CACNA1S: variants seen among roughly 807,000 people sequenced by gnomAD.
The protein encoded by CACNA1S is voltage-dependent L-type calcium channel subunit alpha-1S.
Under a neutral mutation model 207.4 loss-of-function variants are expected in CACNA1S, and 126 were observed. The ratio of observed to expected loss-of-function variants is 0.61; its 90% CI spans 0.53 to 0.70. The LOEUF (loss-of-function observed/expected upper bound fraction) is 0.70, where lower values mean the gene tolerates loss of function less well. CACNA1S is among the 30% of genes least tolerant of loss of function. CACNA1S has a pLI of 0.00. For missense variants in CACNA1S, 2,349 were observed against 2,422.8 expected (o/e 0.97, Z 0.64); for synonymous variants, 960 against 932.7 (o/e 1.03, Z -0.53).
intron 7 of CACNA1S, among the ~76,000 whole-genome samples, 186 bp from the exon 8 acceptor site, chr1:201,085,767 T>C (rs1662018051): frequency 6.6e-6 from 1 of 151,948 alleles, no homozygotes; most frequent in Non-Finnish European, 1.5e-5. Context: ...CACTTCCTGC[T>C]CACCCGTCCC....
intron 38 of CACNA1S, among the ~76,000 whole-genome samples, chr1:201,046,538 C>T (rs1169575887): frequency 6.6e-6 from 1 of 151,418 alleles, no homozygotes; most frequent in Non-Finnish European, 1.5e-5. Flanking sequence ...TTAGAGAGAA[C>T]TGTTCTTTTT....
At position 201,061,387 on chromosome 1, in the gene CACNA1S, G is replaced by A. The variant is rs1208211653; in HGVS notation, c.3135C>T (p.Phe1045=). The A allele has an allele frequency of 6.2e-7, 1 of 1,614,216 alleles. No homozygotes were observed. Among genetic ancestry groups the A allele is most frequent in the East Asian group, 2.2e-5 (1 of 44,874 alleles). Residue 1045 remains phenylalanine, a synonymous_variant, in exon 25 of 44, where the codon TTC becomes TTT. Coordinates refer to ENST00000362061, the MANE Select transcript of CACNA1S (RefSeq NM_000069.3). The part of the protein sequence containing the change: ...YNNRVEMAIF[F]IIYIILIAFF... ...AGGCAATGAGGATGATGTAGATGAT[G>A]AAGAAGATGGCCATCTCCACACGGT... is the stretch of plus-strand genomic sequence containing the variant.
At chr1:201,100,370 C>T (rs1038992079) in intron 2 of CACNA1S, among the ~76,000 whole-genome samples, 9 of 152,242 alleles carry the variant, frequency 5.9e-5, no homozygotes, top group African/African-American at 9.6e-5. Context: ...TCTATGGCCA[C>T]GCCGCACACT....
rs1339416724 is a variant in CACNA1S, at chr1:201,087,883, G to C, written c.947C>G (p.Thr316Ser). The change falls in exon 7 of 44, where the codon ACC becomes AGC. Residue 316 changes from threonine (T) to serine (S), a missense_variant. By Grantham distance (58) the Thr-to-Ser change is moderately conservative. Coordinates refer to ENST00000362061, the MANE Select transcript of CACNA1S (RefSeq NM_000069.3). ...GNEWPWIYFVTLILLGSFFIL... is the reference protein window; with the variant it reads ...GNEWPWIYFVSLILLGSFFIL... ...GAAGAAGGATCCCAGCAAAATGAGG[G>C]TGACAAAATAGATCCAGGGCCACTC... 3.7e-6 allele frequency: 6 copies of C among 1,613,848 alleles called. No individual in the cohort carries two copies. The highest frequency in any genetic ancestry group is 5.1e-6 in the Non-Finnish European group (6 of 1,179,910).
intron 40 of CACNA1S, 195 bp from the exon 41 acceptor site, chr1:201,041,784 G>A (rs564395424): frequency 3.1e-6 from 2 of 654,352 alleles, no homozygotes; most frequent in East Asian, 2.7e-5. Flanking sequence ...AAGGAGTCCA[G>A]AGCATTCCTG....
chr1:201,098,594 G>A (rs990647725), intron 2 of CACNA1S, among the ~76,000 whole-genome samples: 1 of 152,186 alleles, frequency 6.6e-6, no homozygotes. Flanking sequence ...GCACACAGGA[G>A]GCTCTCAGGC....
At position 201,062,531 on chromosome 1, in the gene CACNA1S, G is replaced by C; in HGVS notation, c.2854-17C>G. 1 of 1,380,562 alleles carries C rather than the reference G, an allele frequency of 7.2e-7. No homozygotes were observed. Among genetic ancestry groups the C allele is most frequent in the Non-Finnish European group, 1.0e-6 (1 of 990,790 alleles). The allele number at this position is 1,380,562 out of a possible 1,614,324, so 85.5% of individuals were successfully genotyped here. ...GAACTTCCCCTGCAGCCAGGAAGAGGGAGGGAGGGAGGGAGGCATGTTGTC... is the reference window on the plus strand; with the variant it reads ...GAACTTCCCCTGCAGCCAGGAAGAGCGAGGGAGGGAGGGAGGCATGTTGTC... On this transcript the variant is annotated splice_polypyrimidine_tract_variant and intron_variant, in intron 22 of 43. Transcript: ENST00000362061.
intron 12 of CACNA1S, among the ~76,000 whole-genome samples, chr1:201,076,357 A>T (rs1319097730): frequency 6.6e-6 from 1 of 152,324 alleles, no homozygotes; most frequent in East Asian, 1.9e-4. Flanking sequence ...GGGAGGTGTC[A>T]CTCATGAAAT....
intron 39 of CACNA1S, among the ~76,000 whole-genome samples, chr1:201,043,822 C>T (rs539149493): frequency 2.6e-5 from 4 of 152,144 alleles, no homozygotes; most frequent in African/African-American, 9.6e-5. Flanking sequence ...GAGTCTGCAG[C>T]ACTGGGTTCT....
At chr1:201,048,888 A>G in intron 35 of CACNA1S, 115 bp downstream of exon 35, 1 of 912,282 alleles carries the variant, frequency 1.1e-6, no homozygotes, top group Non-Finnish European at 1.8e-6. Flanking sequence ...GAACTTGGGG[A>G]CCCAGGAGAT....
In CACNA1S at chr1:201,091,697, T is replaced by G; in HGVS notation, c.637A>C (p.Ile213Leu). Residue 213 changes from isoleucine (I) to leucine (L), a missense_variant, in exon 5 of 44, where the codon ATC becomes CTC. Ile to Leu is a conservative substitution (Grantham distance 5, BLOSUM62 2). Coordinates refer to ENST00000362061, the MANE Select transcript of CACNA1S (RefSeq NM_000069.3). ...VLFMVIIYAI[I>L]GLELFKGKMH... ...TTGCCCTTGAAGAGCTCCAGCCCGA[T>G]GATGGCATAGATGATGACCATAAAG... 6.2e-7 allele frequency: 1 copy of G among 1,614,188 alleles called. No homozygotes were observed. Among genetic ancestry groups the G allele is most frequent in the Non-Finnish European group, 8.5e-7 (1 of 1,180,034 alleles).
At chr1:201,064,475 T>C (rs1447786627) in intron 22 of CACNA1S, among the ~76,000 whole-genome samples, 19 of 152,222 alleles carry the variant, frequency 1.2e-4, no homozygotes, top group Admixed American at 1.2e-3. Flanking sequence ...ATTTGGCTTG[T>C]AAGGCCCTCA....
chr1:201,062,109 G>A lies in CACNA1S; in HGVS notation c.2907-19C>T, dbSNP rs780414084. 7 of 1,612,102 alleles carry A rather than the reference G, an allele frequency of 4.3e-6. No individual in the cohort carries two copies. The South Asian group carries it at 7.7e-5, about 18-fold the overall frequency. Reference sequence around the variant, plus strand: ...GTAGCCCCTGTGGCAGGGAGGCCCAGTCACTCCACAGGGCATGGCTGGGCT... The same window carrying A: ...GTAGCCCCTGTGGCAGGGAGGCCCAATCACTCCACAGGGCATGGCTGGGCT... On this transcript the variant is annotated intron_variant, in intron 23 of 43. Coordinates refer to ENST00000362061, the MANE Select transcript of CACNA1S (RefSeq NM_000069.3).
rs1272365460 is a variant in CACNA1S at position 201,075,652 on chromosome 1, A to T, written c.1828-37T>A. 4 of 1,611,450 alleles carry T rather than the reference A, an allele frequency of 2.5e-6. No individual in the cohort carries two copies. The South Asian group carries it at 4.4e-5, about 18-fold the overall frequency. On this transcript the variant is annotated intron_variant, in intron 12 of 43. Coordinates refer to ENST00000362061, the MANE Select transcript of CACNA1S (RefSeq NM_000069.3). ...GAGGATAGAGGGCTCGGGAACACAG[A>T]GGGGCCTGAGAGTCTTCTATTGGGA...
chr1:201,069,541 G>C lies in CACNA1S; in HGVS notation c.2421C>G (p.Leu807=). ...NATWFTNFIL[L]FILLSSAALA... Reference sequence around the variant, plus strand: ...GTGCAGCGCTGCTGAGCAGGATGAAGAGCAGGATGAAGTTGGTAAACCAGG... The same window carrying C: ...GTGCAGCGCTGCTGAGCAGGATGAACAGCAGGATGAAGTTGGTAAACCAGG... The change falls in exon 18 of 44, where the codon CTC becomes CTG. Residue 807 remains leucine, a synonymous_variant. Transcript: ENST00000362061. 6.3e-7 allele frequency: 1 copy of C among 1,582,994 alleles called. No individual in the cohort carries two copies. The highest frequency in any genetic ancestry group is 8.6e-7 in the Non-Finnish European group (1 of 1,165,536).
At position 201,097,032 on chromosome 1, in the gene CACNA1S, C is replaced by T. The variant is rs560568752; in HGVS notation, c.259-3011G>A. Among the ~76,000 whole-genome samples, 6 of 152,210 alleles carry T rather than the reference C, an allele frequency of 3.9e-5. No homozygotes were observed. The South Asian group carries it at 1.2e-3, about 32-fold the overall frequency. On this transcript the variant is annotated intron_variant, in intron 2 of 43. Coordinates refer to ENST00000362061, the MANE Select transcript of CACNA1S (RefSeq NM_000069.3). The stretch of plus-strand genomic sequence containing the variant: ...GTCTCAGCCAAAGGCACTCAGTGGC[C>T]CAAGCCAGAAACCTCCAGGGTCTTT...
At chr1:201,046,825 C>G (rs146835418) in intron 38 of CACNA1S, among the ~76,000 whole-genome samples, 1 of 152,216 alleles carries the variant, frequency 6.6e-6, no homozygotes, top group Non-Finnish European at 1.5e-5. Context: ...TGAGCCACTG[C>G]GCCTGGCCTA....
At chr1:201,054,595 G>C (rs755451161) in intron 28 of CACNA1S, 34 bp from the exon 29 acceptor site, 10 of 1,559,860 alleles carry the variant, frequency 6.4e-6, no homozygotes, top group Non-Finnish European at 8.8e-6. Flanking sequence ...AGGGGAAGGA[G>C]AGGAGAGAGA....
chr1:201,057,050 G>C (rs368839628), intron 28 of CACNA1S, among the ~76,000 whole-genome samples: 1 of 152,164 alleles, frequency 6.6e-6, no homozygotes, highest in Non-Finnish European at 1.5e-5. Context: ...TAGTTTGTTC[G>C]CAACACAGCA....
Sources: gnomAD v4.1 joint callset for allele counts (sites outside exome capture counted in the v4.1 genomes callset) on GRCh38, gnomAD v4.1.1 for gene constraint, MANE v1.5 for transcripts, NCBI Gene and HGNC (gene_info 2026-07-23, HGNC 2026-07-21) for gene names.